Variants in SVEP1 observed in about 807,000 individuals in gnomAD.
SVEP1 encodes the protein sushi, von Willebrand factor type A, EGF and pentraxin domain-containing protein 1.
In SVEP1, 164 loss-of-function variants were observed where a neutral mutation model predicts 367.3. The ratio of observed to expected loss-of-function variants is 0.45; its 90% CI spans 0.39 to 0.51. The LOEUF is 0.51. SVEP1 is among the 20% of genes least tolerant of loss of function. The pLI, the probability that SVEP1 is intolerant of heterozygous loss-of-function variation, is 0.00. For synonymous variants in SVEP1, 1,666 were observed against 1,611.6 expected, an observed-to-expected ratio of 1.03 and a Z score of -0.81; for missense variants, 4,117 against 4,425.3, an observed-to-expected ratio of 0.93 and a Z score of 1.98.
chr9:110,410,179 G>A (rs1376622593), intron 37 of SVEP1, among the ~76,000 whole-genome samples: 2 of 152,196 alleles, frequency 1.3e-5, no homozygotes, highest in South Asian at 4.1e-4. Flanking sequence ...ATGTAAAGGA[G>A]AAAAGGTTGT....
At position 110,428,995 on chromosome 9, in the gene SVEP1, G is replaced by A. The variant is rs906696960; in HGVS notation, c.5807+148C>T. 12 of 629,074 alleles carry A rather than the reference G, an allele frequency of 1.9e-5. No homozygotes were observed. The Admixed American group carries it at 3.2e-4, about 17-fold the overall frequency. The allele number at this position is 629,074 out of a possible 1,614,324, so 39.0% of individuals were successfully genotyped here. A position where few individuals can be genotyped will look rare whatever the true frequency, so the allele number is the denominator to read the frequency against. Reference sequence around the variant, plus strand: ...GAAGTGGGAGGATCGCTTGAGCCTGGGAGGCAGAGATTGCAGTGAGCTGAG... The same window carrying A: ...GAAGTGGGAGGATCGCTTGAGCCTGAGAGGCAGAGATTGCAGTGAGCTGAG... On this transcript the variant is annotated intron_variant, in intron 35 of 47. Transcript: ENST00000374469.
intron 3 of SVEP1, among the ~76,000 whole-genome samples, chr9:110,528,432 A>T (rs1279315392): frequency 6.6e-6 from 1 of 151,746 alleles, no homozygotes; most frequent in African/African-American, 2.4e-5. Context: ...ATAGCAGTAT[A>T]TAAGTGTTCC....
At chr9:110,549,374 A>G (rs1251033002) in intron 2 of SVEP1, among the ~76,000 whole-genome samples, 1 of 152,162 alleles carries the variant, frequency 6.6e-6, no homozygotes, top group African/African-American at 2.4e-5. Context: ...TTACATAAGC[A>G]TATCTATCTT....
At chr9:110,457,603 G>C (rs1164874556) in intron 20 of SVEP1, among the ~76,000 whole-genome samples, 1 of 152,142 alleles carries the variant, frequency 6.6e-6, no homozygotes, top group Admixed American at 6.6e-5. Context: ...CTGCATGCTA[G>C]AATACAATTG....
intron 39 of SVEP1, among the ~76,000 whole-genome samples, chr9:110,402,651 A>G (rs1827881917): frequency 1.3e-5 from 2 of 152,078 alleles, no homozygotes; most frequent in Non-Finnish European, 2.9e-5. Context: ...AGGGCTTACA[A>G]GGGGACCCAG....
chr9:110,457,772 A>G (rs975655725), intron 20 of SVEP1, among the ~76,000 whole-genome samples: 1 of 152,180 alleles, frequency 6.6e-6, no homozygotes, highest in Non-Finnish European at 1.5e-5. Context: ...ACAAATTCCT[A>G]TGTCCACTAG....
At chr9:110,506,370 C>T (rs10759436) in intron 5 of SVEP1, among the ~76,000 whole-genome samples, 148,438 of 152,300 alleles carry the variant, frequency 0.97, 72,345 homozygotes, top group East Asian at 1. Context: ...ACAAATGGGA[C>T]CTAATTAAAC....
chr9:110,508,315 C>T (rs1309415844), intron 5 of SVEP1, among the ~76,000 whole-genome samples: 5 of 151,832 alleles, frequency 3.3e-5, no homozygotes, highest in African/African-American at 9.7e-5. Flanking sequence ...CAGGCACGTG[C>T]TTCCTATTAG....
rs764368240 is a variant in SVEP1 at position 110,436,415 on chromosome 9, G to C, written c.4729C>G (p.Leu1577Val). Residue 1577 changes from leucine (L) to valine (V), a missense_variant, in exon 28 of 48, where the codon CTC (leucine) becomes GTC (valine). Physicochemically the swap from Leu to Val is conservative, Grantham distance 32. Transcript: ENST00000374469. ...GACAGGACATAGTCCCAGAGGTTGA[G>C]CTGGCTTATGGAGCCCACAAAAGAC... ...AESFVGSISQ[L>V]NLWDYVLSPQ... 1 of 1,613,960 alleles carries C rather than the reference G, an allele frequency of 6.2e-7. No individual in the cohort carries two copies. The highest frequency in any genetic ancestry group is 1.7e-5 in the Admixed American group (1 of 60,020).
chr9:110,548,784 T>C (rs1485290806), intron 2 of SVEP1, among the ~76,000 whole-genome samples: 3 of 152,108 alleles, frequency 2.0e-5, no homozygotes, highest in African/African-American at 4.8e-5. Flanking sequence ...TTCACTAAAA[T>C]CCCAGCCTCC....
At chr9:110,471,228 T>C (rs1305049943) in intron 16 of SVEP1, 136 bp downstream of exon 16, 5 of 703,864 alleles carry the variant, frequency 7.1e-6, no homozygotes, top group African/African-American at 3.6e-5. Context: ...TGAGACAAAA[T>C]AGTAATAATA....
chr9:110,453,718 A>C (rs1372267659), intron 22 of SVEP1, among the ~76,000 whole-genome samples: 1 of 151,952 alleles, frequency 6.6e-6, no homozygotes, highest in Admixed American at 6.6e-5. Context: ...AAATACAAAA[A>C]ATTAGCCGGG....
At chr9:110,567,383 C>T (rs1830504700) in intron 1 of SVEP1, among the ~76,000 whole-genome samples, 2 of 152,140 alleles carry the variant, frequency 1.3e-5, no homozygotes, top group Admixed American at 1.3e-4. Flanking sequence ...GAAAAATTCC[C>T]ACAAGAACAA....
intron 40 of SVEP1, among the ~76,000 whole-genome samples, chr9:110,391,429 C>T (rs1328063105): frequency 6.6e-6 from 1 of 151,998 alleles, no homozygotes; most frequent in African/African-American, 2.4e-5. Context: ...TGCCACCACA[C>T]CCCGCTAATT....
At chr9:110,471,100 T>C (rs1227621862) in intron 16 of SVEP1, among the ~76,000 whole-genome samples, 1 of 152,184 alleles carries the variant, frequency 6.6e-6, no homozygotes, top group Non-Finnish European at 1.5e-5. Context: ...TATTCATTAT[T>C]ATTATTGGAG....
intron 3 of SVEP1, among the ~76,000 whole-genome samples, chr9:110,528,186 A>ATATATATATATATATT: frequency 7.2e-6 from 1 of 139,630 alleles, no homozygotes; most frequent in South Asian, 2.2e-4. Context: ...ATATATATAT[A>ATATATATATATATATT]TGCCACATTT....
At chr9:110,428,575 C>T (rs1828297854) in intron 35 of SVEP1, among the ~76,000 whole-genome samples, 1 of 152,150 alleles carries the variant, frequency 6.6e-6, no homozygotes, top group Non-Finnish European at 1.5e-5. Context: ...GTTTATGCTT[C>T]ATAAACTATT....
chr9:110,489,824 C>T (rs368998804), intron 8 of SVEP1, 45 bp from the exon 9 acceptor site: 44 of 1,562,738 alleles, frequency 2.8e-5, no homozygotes, highest in Non-Finnish European at 3.5e-5. Flanking sequence ...GTCAAAAGTG[C>T]GTTTATTCTT....
intron 31 of SVEP1, 83 bp downstream of exon 31, chr9:110,432,379 C>G: frequency 6.7e-7 from 1 of 1,501,272 alleles, no homozygotes; most frequent in Non-Finnish European, 8.9e-7. Context: ...AAAGCAATGC[C>G]TCAAGAACCT....
Sources: gnomAD v4.1 joint callset for allele counts (sites outside exome capture counted in the v4.1 genomes callset) on GRCh38, gnomAD v4.1.1 for gene constraint, MANE v1.5 for transcripts, NCBI Gene and HGNC (gene_info 2026-07-23, HGNC 2026-07-21) for gene names.